GNAQ: variants seen among roughly 807,000 people sequenced by gnomAD.
GNAQ encodes G protein subunit alpha q, also known as guanine nucleotide-binding protein G(q) subunit alpha.
Under a neutral mutation model 43.9 loss-of-function variants are expected in GNAQ, and 8 were observed. The ratio of observed to expected loss-of-function variants is 0.18; its 90% confidence interval spans 0.11 to 0.33. GNAQ has a LOEUF of 0.33. Among genes scored for constraint, GNAQ ranks in the 10% least tolerant of loss-of-function variants. The probability of loss-of-function intolerance (pLI) is 1.00; values close to 1 mark genes in which losing one functional copy is unlikely to be tolerated. For synonymous variants in GNAQ, 155 were observed against 170.7 expected (o/e 0.91, Z 0.71); for missense variants, 158 against 450.8 (o/e 0.35, Z 5.88).
At chr9:77,815,903 G>T in intron 2 of GNAQ, 133 bp from the exon 3 acceptor site, 2 of 545,026 alleles carry the variant, frequency 3.7e-6, no homozygotes, top group South Asian at 3.1e-5. Flanking sequence ...TTACAATAAA[G>T]TCATGTTTCA....
At chr9:77,918,952 C>T (rs1828956681) in intron 2 of GNAQ, among the ~76,000 whole-genome samples, 1 of 152,204 alleles carries the variant, frequency 6.6e-6, no homozygotes, top group Admixed American at 6.5e-5. Context: ...TGGAGTCTTG[C>T]TCTGTTGCCC....
intron 5 of GNAQ, among the ~76,000 whole-genome samples, chr9:77,773,913 T>C (rs1300816687): frequency 6.6e-6 from 1 of 152,252 alleles, no homozygotes; most frequent in East Asian, 1.9e-4. Context: ...CAAAGTGATA[T>C]TATAGAATAA....
intron 5 of GNAQ, among the ~76,000 whole-genome samples, chr9:77,773,679 A>G (rs1826263418): frequency 6.6e-6 from 1 of 152,208 alleles, no homozygotes; most frequent in Non-Finnish European, 1.5e-5. Flanking sequence ...TAAAGTGACG[A>G]TTCACATTAT....
At chr9:77,958,299 G>C (rs1823066710) in intron 1 of GNAQ, among the ~76,000 whole-genome samples, 2 of 152,032 alleles carry the variant, frequency 1.3e-5, no homozygotes, top group African/African-American at 4.8e-5. Context: ...TCAGTTATGG[G>C]CTGTGTCTCC....
At chr9:77,977,614 T>C (rs1823320761) in intron 1 of GNAQ, among the ~76,000 whole-genome samples, 1 of 152,130 alleles carries the variant, frequency 6.6e-6, no homozygotes, top group African/African-American at 2.4e-5. Context: ...AACGCAGACA[T>C]GCACTCTCCA....
intron 2 of GNAQ, among the ~76,000 whole-genome samples, chr9:77,850,241 T>C (rs1163100984): frequency 1.3e-5 from 2 of 152,204 alleles, no homozygotes; most frequent in East Asian, 3.9e-4. Flanking sequence ...TCAGAGTCAA[T>C]AATGCCCTCA....
chr9:77,742,522 T>C (rs1825669111), intron 5 of GNAQ, among the ~76,000 whole-genome samples: 1 of 151,950 alleles, frequency 6.6e-6, no homozygotes, highest in Non-Finnish European at 1.5e-5. Flanking sequence ...TTAAATAAAG[T>C]GTTTTAAAAA....
At chr9:77,956,719 G>A (rs1049747389) in intron 1 of GNAQ, among the ~76,000 whole-genome samples, 3 of 152,150 alleles carry the variant, frequency 2.0e-5, no homozygotes, top group Non-Finnish European at 4.4e-5. Context: ...CTAACTGTAG[G>A]GGCATGGAGG....
intron 5 of GNAQ, among the ~76,000 whole-genome samples, chr9:77,758,603 G>A (rs974430270): frequency 1.3e-5 from 2 of 152,016 alleles, no homozygotes; most frequent in African/African-American, 2.4e-5. Context: ...ATTTTCTCCT[G>A]TATCATTTCA....
chr9:77,754,045 G>A (rs1285021181), intron 5 of GNAQ, among the ~76,000 whole-genome samples: 3 of 152,102 alleles, frequency 2.0e-5, no homozygotes, highest in Non-Finnish European at 4.4e-5. Flanking sequence ...AGTGATGCTG[G>A]AGAAGTGTAA....
intron 1 of GNAQ, among the ~76,000 whole-genome samples, chr9:78,021,770 A>G (rs1823912384): frequency 2.6e-5 from 4 of 152,382 alleles, no homozygotes; most frequent in Admixed American, 1.3e-4. Context: ...TCACACATAC[A>G]CTAAAGAGAA....
chr9:77,851,183 T>C (rs1220988721), intron 2 of GNAQ, among the ~76,000 whole-genome samples: 1 of 152,132 alleles, frequency 6.6e-6, no homozygotes, highest in African/African-American at 2.4e-5. Context: ...AGAAAGTAAA[T>C]CCAACATAAT....
chr9:77,742,306 GACTA>G (rs897523400), intron 5 of GNAQ, among the ~76,000 whole-genome samples: 11 of 152,040 alleles, frequency 7.2e-5, no homozygotes, highest in South Asian at 6.2e-4. Flanking sequence ...ATGCACATGT[GACTA>G]ACTAATATAG....
intron 1 of GNAQ, among the ~76,000 whole-genome samples, chr9:78,024,502 A>G (rs1422643664): frequency 2.6e-5 from 4 of 152,198 alleles, no homozygotes; most frequent in Non-Finnish European, 5.9e-5. Flanking sequence ...CGGAGCTTCC[A>G]ATCCACTTAG....
intron 1 of GNAQ, among the ~76,000 whole-genome samples, chr9:77,984,341 G>A (rs540975302): frequency 8.6e-5 from 13 of 151,830 alleles, no homozygotes; most frequent in African/African-American, 1.2e-4. Flanking sequence ...CTAATTTTTC[G>A]TATTCTTTGT....
In GNAQ at chr9:77,800,975, C is replaced by T. The variant is rs547707306; in HGVS notation, c.477-3327G>A. Among the ~76,000 whole-genome samples, 7 of 152,294 alleles carry T rather than the reference C, an allele frequency of 4.6e-5. No homozygotes were observed. In the East Asian group the frequency reaches 9.7e-4, roughly 21 times the overall value. On this transcript the variant is annotated intron_variant, in intron 3 of 6. Transcript: ENST00000286548. ...TATTGCCTGATAAACCATCTCTACTCGCTTAATGCCGTACACAGAGGTCAG... is the reference window on the plus strand; with the variant it reads ...TATTGCCTGATAAACCATCTCTACTTGCTTAATGCCGTACACAGAGGTCAG...
At position 77,732,442 on chromosome 9, in the gene GNAQ, T is replaced by C. The variant is rs374830437; in HGVS notation, c.736-3775A>G. On this transcript the variant is annotated intron_variant, in intron 5 of 6. Coordinates refer to ENST00000286548, the MANE Select transcript of GNAQ (RefSeq NM_002072.5). Reference sequence around the variant, plus strand: ...GTGCAGTTGCGTGATCTCAGCTCACTGCAACCTCTGCCTCCTGAGTTCAAG... The same window carrying C: ...GTGCAGTTGCGTGATCTCAGCTCACCGCAACCTCTGCCTCCTGAGTTCAAG... Among the ~76,000 whole-genome samples, 19 of 144,238 alleles carry C rather than the reference T, an allele frequency of 1.3e-4. No individual in the cohort carries two copies. In the East Asian group the frequency reaches 4.5e-3, roughly 34 times the overall value. The allele number at this position is 144,238 out of a possible 152,430, so 94.6% of individuals were successfully genotyped here. A position where few individuals can be genotyped will look rare whatever the true frequency, so the allele number is the denominator to read the frequency against.
chr9:77,964,807 T>C (rs1485879753), intron 1 of GNAQ, among the ~76,000 whole-genome samples: 1 of 152,160 alleles, frequency 6.6e-6, no homozygotes, highest in African/African-American at 2.4e-5. Context: ...TAGAGGTAAA[T>C]AGGTAGTACC....
At chr9:77,814,032 A>G (rs1228529148) in intron 3 of GNAQ, among the ~76,000 whole-genome samples, 1 of 152,154 alleles carries the variant, frequency 6.6e-6, no homozygotes, top group Non-Finnish European at 1.5e-5. Flanking sequence ...GACAGGAGAG[A>G]CATAATGAAT....
Sources: gnomAD v4.1 joint callset for allele counts (sites outside exome capture counted in the v4.1 genomes callset) on GRCh38, gnomAD v4.1.1 for gene constraint, MANE v1.5 for transcripts, NCBI Gene and HGNC (gene_info 2026-07-23, HGNC 2026-07-21) for gene names.